The following GPR161 variants were observed in gnomAD, a reference collection of about 807,000 sequenced individuals.
GPR161 encodes G-protein coupled receptor RE2.
Under a neutral mutation model 39.2 loss-of-function variants are expected in GPR161, and 25 were observed. That is an observed-to-expected ratio of 0.64 (90% confidence interval 0.47 to 0.89). GPR161 has a LOEUF of 0.89. Ranked by LOEUF, GPR161 falls within the 40% of genes least tolerant of loss-of-function variation. The probability of loss-of-function intolerance (pLI) is 0.00; values close to 1 mark genes in which losing one functional copy is unlikely to be tolerated. For synonymous variants in GPR161, 286 were observed against 276.6 expected, an observed-to-expected ratio of 1.03 and a Z score of -0.34; for missense variants, 547 against 677.8, an observed-to-expected ratio of 0.81 and a Z score of 2.14.
rs1476284308 is a variant in GPR161 at position 168,079,596 on chromosome 1, T to G, written c.*5935A>C. 6.6e-6 allele frequency: 1 copy of G among 152,222 alleles called. No individual in the cohort carries two copies. Among genetic ancestry groups the G allele is most frequent in the Admixed American group, 6.5e-5 (1 of 15,280 alleles). 9.4% of individuals were successfully genotyped at this position (152,222 alleles called of 1,614,324 possible). A position where few individuals can be genotyped will look rare whatever the true frequency, so the allele number is the denominator to read the frequency against. On this transcript the variant is annotated 3_prime_UTR_variant, in exon 6 of 6. Coordinates refer to ENST00000682931, the MANE Select transcript of GPR161 (RefSeq NM_001375883.1). ...TAAACAAAAATTCCAAATACATTGTTGCTTATTTATAAATATTGATTTATA... is the reference window on the plus strand; with the variant it reads ...TAAACAAAAATTCCAAATACATTGTGGCTTATTTATAAATATTGATTTATA...
chr1:168,123,198 C>T (rs886796095), intron 1 of GPR161, among the ~76,000 whole-genome samples: 1 of 152,228 alleles, frequency 6.6e-6, no homozygotes, highest in African/African-American at 2.4e-5. Flanking sequence ...ATAATCCCAA[C>T]ACTTTGGGAG....
chr1:168,118,249 G>C (rs1572353623), intron 1 of GPR161, among the ~76,000 whole-genome samples: 2 of 152,268 alleles, frequency 1.3e-5, no homozygotes, highest in East Asian at 3.9e-4. Flanking sequence ...TCTGATAAAG[G>C]ATAAATATCC....
intron 1 of GPR161, chr1:168,134,981 A>G: frequency 6.5e-7 from 1 of 1,535,652 alleles, no homozygotes; most frequent in Non-Finnish European, 8.7e-7. Context: ...GAGAGCTCGC[A>G]GCCCTCTGAC....
At chr1:168,134,697 C>A (rs1400545773) in intron 1 of GPR161, among the ~76,000 whole-genome samples, 1 of 152,168 alleles carries the variant, frequency 6.6e-6, no homozygotes, top group Non-Finnish European at 1.5e-5. Context: ...ATATATGAAG[C>A]TTGTTTTCCG....
At position 168,085,113 on chromosome 1, in the gene GPR161, T is replaced by C. The variant is rs1322929888; in HGVS notation, c.*418A>G. The C allele has an allele frequency of 2.2e-6, 1 of 460,000 alleles. No homozygotes were observed. Among genetic ancestry groups the C allele is most frequent in the African/African-American group, 2.0e-5 (1 of 50,294 alleles). 28.5% of individuals were successfully genotyped at this position (460,000 alleles called of 1,614,324 possible). On this transcript the variant is annotated 3_prime_UTR_variant, in exon 6 of 6. Coordinates refer to ENST00000682931, the MANE Select transcript of GPR161 (RefSeq NM_001375883.1). ...AGTACACTGGGGAGGGTTCTCCTCCTGAGGCATCTGGCACAGTGCACGGCT... is the reference window on the plus strand; with the variant it reads ...AGTACACTGGGGAGGGTTCTCCTCCCGAGGCATCTGGCACAGTGCACGGCT...
chr1:168,118,454 G>C (rs919969538), intron 1 of GPR161: 1 of 152,146 alleles, frequency 6.6e-6, no homozygotes, highest in African/African-American at 2.4e-5. Context: ...GGAGACTCAC[G>C]AGGGTGAGGG....
rs1159592297 is a variant in GPR161, at chr1:168,082,135, A to G, written c.*3396T>C. ...TCTCATTGGTTGTTCACTTGTTTACAGAAAGACCACATAGTAGCTCCTCAA... is the reference window on the plus strand; with the variant it reads ...TCTCATTGGTTGTTCACTTGTTTACGGAAAGACCACATAGTAGCTCCTCAA... On this transcript the variant is annotated 3_prime_UTR_variant, in exon 6 of 6. Transcript: ENST00000682931. The G allele has an allele frequency of 3.3e-5, 5 of 152,226 alleles. No individual in the cohort carries two copies. Among genetic ancestry groups the G allele is most frequent in the African/African-American group, 1.2e-4 (5 of 41,454 alleles). 9.4% of individuals were successfully genotyped at this position (152,226 alleles called of 1,614,324 possible).
chr1:168,091,073 A>G (rs1477953458), intron 3 of GPR161, among the ~76,000 whole-genome samples: 2 of 152,218 alleles, frequency 1.3e-5, no homozygotes, highest in East Asian at 1.9e-4. Flanking sequence ...TAAGAGGCTT[A>G]CACCCCAAAG....
At chr1:168,126,806 T>C (rs1353016620) in intron 1 of GPR161, among the ~76,000 whole-genome samples, 1 of 152,230 alleles carries the variant, frequency 6.6e-6, no homozygotes, top group Non-Finnish European at 1.5e-5. Flanking sequence ...AGAAAGCTTA[T>C]GAATGCTTCC....
At position 168,110,310 on chromosome 1, in the gene GPR161, C is replaced by G. The variant is rs1232428781; in HGVS notation, c.-44-5416G>C. Among the ~76,000 whole-genome samples the G allele has an allele frequency of 2.6e-5, 4 of 151,484 alleles. No homozygotes were observed. The East Asian group carries it at 5.9e-4, about 22-fold the overall frequency. The stretch of plus-strand genomic sequence containing the variant: ...CTTGAGCACAGGAGTTCGAGACCAC[C>G]CAGGGAAATGTGGTGAAACCTCATC... On this transcript the variant is annotated intron_variant, in intron 1 of 5. Coordinates refer to ENST00000682931, the MANE Select transcript of GPR161 (RefSeq NM_001375883.1).
At chr1:168,092,518 G>A (rs1267833358) in intron 3 of GPR161, among the ~76,000 whole-genome samples, 1 of 152,174 alleles carries the variant, frequency 6.6e-6, no homozygotes, top group Admixed American at 6.5e-5. Context: ...ATGAAACAAT[G>A]TATTTACTGG....
intron 1 of GPR161, 76 bp from the exon 2 acceptor site, chr1:168,104,970 G>C: frequency 8.7e-7 from 1 of 1,149,886 alleles, no homozygotes. Flanking sequence ...GGGAAGAAAG[G>C]CTTAAAGGGG....
At position 168,098,678 on chromosome 1, in the gene GPR161, C is replaced by G. The variant is rs1226512573; in HGVS notation, c.375-1446G>C. Among the ~76,000 whole-genome samples, 1 of 152,216 alleles carries G rather than the reference C, an allele frequency of 6.6e-6. No homozygotes were observed. Among genetic ancestry groups the G allele is most frequent in the Non-Finnish European group, 1.5e-5 (1 of 68,044 alleles). On this transcript the variant is annotated intron_variant, in intron 2 of 5. Transcript: ENST00000682931. The surrounding 1 kb of genome is among the most constrained non-coding windows in gnomAD (Gnocchi z 4.1). Reference sequence around the variant, plus strand: ...GAGCCTGGGGCTGCTCTGAGCTGAGCCTTGAGCCCAGGCCAGGATCTATCC... The same window carrying G: ...GAGCCTGGGGCTGCTCTGAGCTGAGGCTTGAGCCCAGGCCAGGATCTATCC...
chr1:168,112,069 G>A (rs914805721), intron 1 of GPR161, among the ~76,000 whole-genome samples: 1 of 152,114 alleles, frequency 6.6e-6, no homozygotes, highest in African/African-American at 2.4e-5. Flanking sequence ...TACTTCTGGG[G>A]TGAACAAAAC....
In GPR161 at chr1:168,119,233, TATATATATACAC is replaced by T. The variant is rs1354258532; in HGVS notation, c.-44-14351_-44-14340del. 8.4e-5 allele frequency among the ~76,000 whole-genome samples: 10 copies of T among 118,866 alleles called. 1 individual carries two copies. Among genetic ancestry groups the T allele is most frequent in the African/African-American group, 2.9e-4 (8 of 27,776 alleles). 78.0% of individuals were successfully genotyped at this position (118,866 alleles called of 152,430 possible). The stretch of plus-strand genomic sequence containing the variant: ...ATGTATACATATATATATACGTATA[TATATATATACAC>T]ATATATATATACGTATATATATGTG... On this transcript the variant is annotated intron_variant, in intron 1 of 5. Transcript: ENST00000682931.
At chr1:168,108,702 TAAAA>T (rs1210981025) in intron 1 of GPR161, among the ~76,000 whole-genome samples, 1 of 151,742 alleles carries the variant, frequency 6.6e-6, no homozygotes, top group African/African-American at 2.4e-5. Context: ...AAATTTTAAA[TAAAA>T]AATGTTATAA....
At chr1:168,110,537 G>A (rs1167822899) in intron 1 of GPR161, among the ~76,000 whole-genome samples, 2 of 53,418 alleles carry the variant, frequency 3.7e-5, no homozygotes, top group African/African-American at 1.2e-4. Flanking sequence ...AGAAAGGAAA[G>A]GAAAGAAAAG....
chr1:168,096,626 C>T lies in GPR161; in HGVS notation c.981G>A (p.Trp327Ter), dbSNP rs758610132. Residue 327 changes from tryptophan (W) to a stop codon, truncating the protein, a stop_gained, in exon 3 of 6, where the codon TGG (tryptophan) becomes TGA (stop). Coordinates refer to ENST00000682931, the MANE Select transcript of GPR161 (RefSeq NM_001375883.1). LOFTEE classifies it high-confidence loss of function. ...GTAGTTCTTTGCGAACTGTCTTGTT[C>T]CAGAGTCCATAGATCAGGGGGTGGC... is the stretch of plus-strand genomic sequence containing the variant. ...AVCHPLIYGL[W>*]NKTVRKELLG... 1 of 1,614,222 alleles carries T rather than the reference C, an allele frequency of 6.2e-7. No individual in the cohort carries two copies. The highest frequency in any genetic ancestry group is 8.5e-7 in the Non-Finnish European group (1 of 1,180,034).
chr1:168,088,047 CCTA>C, intron 4 of GPR161: 1 of 208,522 alleles, frequency 4.8e-6, no homozygotes, highest in Non-Finnish European at 9.6e-6. Context: ...AGGAGAGGGT[CCTA>C]CTAAAAGGAA....
Sources: allele counts gnomAD v4.1 joint callset (sites outside exome capture counted in the v4.1 genomes callset), GRCh38; gene constraint gnomAD v4.1.1; non-coding constraint Gnocchi (gnomAD v3.1); transcripts MANE v1.5; gene names NCBI Gene and HGNC (gene_info 2026-07-23, HGNC 2026-07-21).